The following MCTP2 variants were observed in gnomAD, a reference collection of about 807,000 sequenced individuals.
MCTP2 encodes the protein multiple C2 and transmembrane domain containing 2.
MCTP2 carries 132 observed loss-of-function variants against 111.6 expected under a neutral mutation model. The ratio of observed to expected loss-of-function variants is 1.18; its 90% confidence interval spans 1.03 to 1.37. The LOEUF (loss-of-function observed/expected upper bound fraction) is 1.37, where lower values mean the gene tolerates loss of function less well. Ranked by LOEUF, MCTP2 falls within the 40% of genes most tolerant of loss-of-function variation. The pLI, the probability that MCTP2 is intolerant of heterozygous loss-of-function variation, is 0.00. For synonymous variants in MCTP2, 395 were observed against 387.7 expected, an observed-to-expected ratio of 1.02 and a Z score of -0.22; for missense variants, 1,183 against 1,067.9, an observed-to-expected ratio of 1.11 and a Z score of -1.50.
chr15:94,291,822 C>G (rs2075045346), intron 1 of MCTP2, among the ~76,000 whole-genome samples: 1 of 145,826 alleles, frequency 6.9e-6, no homozygotes, highest in African/African-American at 2.5e-5. Flanking sequence ...GGCAAACTTT[C>G]TCTCTATGTT....
At chr15:94,448,696 C>A (rs2031817320) in intron 19 of MCTP2, among the ~76,000 whole-genome samples, 1 of 152,192 alleles carries the variant, frequency 6.6e-6, no homozygotes, top group Admixed American at 6.5e-5. Context: ...TGTATTGCAT[C>A]TAGATATTTC....
intron 20 of MCTP2, among the ~76,000 whole-genome samples, chr15:94,461,462 A>G (rs2085202789): frequency 6.6e-6 from 1 of 152,214 alleles, no homozygotes; most frequent in African/African-American, 2.4e-5. Context: ...TCCAGCTCAA[A>G]AAAGCAAACA....
chr15:94,404,675 G>T (rs142738837), intron 17 of MCTP2, among the ~76,000 whole-genome samples: 1 of 151,490 alleles, frequency 6.6e-6, no homozygotes, highest in East Asian at 1.9e-4. Context: ...CTTTGAAAAC[G>T]CCTTCATTTA....
intron 1 of MCTP2, among the ~76,000 whole-genome samples, chr15:94,256,190 C>T (rs1458821959): frequency 6.6e-6 from 1 of 152,108 alleles, no homozygotes; most frequent in Admixed American, 6.5e-5. Context: ...AACTTTGTTT[C>T]ATGTGCAAAA....
chr15:94,438,024 A>G (rs948142143), intron 17 of MCTP2, among the ~76,000 whole-genome samples: 1 of 152,122 alleles, frequency 6.6e-6, no homozygotes, highest in Non-Finnish European at 1.5e-5. Context: ...AACACAAGGA[A>G]ATAGCTGTAT....
At chr15:94,478,317 GA>G (rs2074530779) in intron 22 of MCTP2, among the ~76,000 whole-genome samples, 1 of 152,204 alleles carries the variant, frequency 6.6e-6, no homozygotes, top group Non-Finnish European at 1.5e-5. Context: ...TGCAGCAAAA[GA>G]ACATTCCAGG....
At chr15:94,437,453 A>T (rs2083541489) in intron 17 of MCTP2, among the ~76,000 whole-genome samples, 1 of 151,850 alleles carries the variant, frequency 6.6e-6, no homozygotes, top group African/African-American at 2.4e-5. Flanking sequence ...CAAGTTACTT[A>T]AAAAAAATGA....
At chr15:94,318,585 G>A (rs58603322) in intron 4 of MCTP2, among the ~76,000 whole-genome samples, 1 of 152,128 alleles carries the variant, frequency 6.6e-6, no homozygotes, top group Non-Finnish European at 1.5e-5. Context: ...TAGTTTTTAA[G>A]TTTAGGGATA....
chr15:94,469,261 G>A (rs1431499596), intron 20 of MCTP2, among the ~76,000 whole-genome samples: 2 of 152,128 alleles, frequency 1.3e-5, no homozygotes, highest in African/African-American at 2.4e-5. Context: ...AATACTCTCG[G>A]CACCTCAGTA....
intron 12 of MCTP2, among the ~76,000 whole-genome samples, chr15:94,379,296 CAGAG>C (rs992766871): frequency 1.1e-4 from 17 of 151,812 alleles, no homozygotes; most frequent in Non-Finnish European, 8.8e-5. Flanking sequence ...GTGGGGTAAA[CAGAG>C]AGAAAATATA....
rs58424468 is a variant in MCTP2 at position 94,266,080 on chromosome 15, GCA to G, written c.-65-32107_-65-32106del. Among the ~76,000 whole-genome samples, 223 of 151,644 alleles carry G rather than the reference GCA, an allele frequency of 1.5e-3. 1 individual carries two copies. Among genetic ancestry groups the G allele is most frequent in the Middle Eastern group, 6.8e-3 (2 of 294 alleles). ...CACATACACGTGCATGCGTGTGCGC[GCA>G]CACACACACACACGTGCTCTACAGT... On this transcript the variant is annotated intron_variant, in intron 1 of 22. Transcript: ENST00000357742.
chr15:94,356,083 T>G (rs1403762887), intron 8 of MCTP2, 54 bp from the exon 9 acceptor site: 1 of 1,403,440 alleles, frequency 7.1e-7, no homozygotes, highest in Non-Finnish European at 9.3e-7. Flanking sequence ...ATCATCAAAG[T>G]CACTCTCAGG....
intron 17 of MCTP2, among the ~76,000 whole-genome samples, chr15:94,423,699 T>C (rs1596660755): frequency 6.6e-6 from 1 of 152,188 alleles, no homozygotes; most frequent in Admixed American, 6.5e-5. Flanking sequence ...GAGTTCATAT[T>C]GGCGGCTGCC....
intron 1 of MCTP2, among the ~76,000 whole-genome samples, chr15:94,263,370 G>C (rs895746307): frequency 2.0e-5 from 3 of 152,280 alleles, no homozygotes; most frequent in Admixed American, 6.5e-5. Context: ...TACAAAGTTA[G>C]CTTCCTTTCA....
intron 14 of MCTP2, among the ~76,000 whole-genome samples, chr15:94,390,084 A>ACGTG (rs1567602658): frequency 3.1e-4 from 6 of 19,336 alleles, no homozygotes; most frequent in Non-Finnish European, 4.0e-4. Flanking sequence ...ATATATATAT[A>ACGTG]TATATGTATA....
rs368511761 is a variant in MCTP2, at chr15:94,384,093, C to G, written c.1654C>G (p.Leu552Val). The G allele has an allele frequency of 8.7e-6, 14 of 1,613,734 alleles. No homozygotes were observed. The highest frequency in any genetic ancestry group is 1.0e-5 in the Non-Finnish European group (12 of 1,179,864). Residue 552 changes from leucine (L) to valine (V), a missense_variant, in exon 13 of 23, where the codon CTC (leucine) becomes GTC (valine). Leu to Val is a conservative substitution (Grantham distance 32). Coordinates refer to ENST00000357742, the MANE Select transcript of MCTP2 (RefSeq NM_001385001.1). ...RLQTHTVYKN[L>V]NPEWNKVFTF... Reference sequence around the variant, plus strand: ...TCAGACGCATACCGTCTACAAAAACCTCAACCCTGAATGGAACAAAGTTTT... The same window carrying G: ...TCAGACGCATACCGTCTACAAAAACGTCAACCCTGAATGGAACAAAGTTTT...
At position 94,339,279 on chromosome 15, in the gene MCTP2, T is replaced by C; in HGVS notation, c.638-11T>C. 6.4e-7 allele frequency: 1 copy of C among 1,574,734 alleles called. No homozygotes were observed. The highest frequency in any genetic ancestry group is 1.2e-5 in the South Asian group (1 of 86,234). On this transcript the variant is annotated splice_polypyrimidine_tract_variant and intron_variant, in intron 4 of 22. Coordinates refer to ENST00000357742, the MANE Select transcript of MCTP2 (RefSeq NM_001385001.1). ...TTTAAAATTCTGTCTTGTTTTCTTT[T>C]CCTTTTAAAGGCACAAGTGATCCTT...
At chr15:94,414,124 C>T (rs1165835898) in intron 17 of MCTP2, among the ~76,000 whole-genome samples, 1 of 152,158 alleles carries the variant, frequency 6.6e-6, no homozygotes, top group African/African-American at 2.4e-5. Flanking sequence ...TGTTGAGTGT[C>T]ATCAACAGAT....
Position 94,478,993 on chromosome 15 carries a change from A to AGCAGCC in MCTP2, c.2597_2602dup (p.Ser867_His868insArgSer). The AGCAGCC allele has an allele frequency of 6.2e-7, 1 of 1,614,078 alleles. No homozygotes were observed. The highest frequency in any genetic ancestry group is 2.2e-5 in the East Asian group (1 of 44,870). ...GCAGTATGCAGAATTGAAACTCTGC[A>AGCAGCC]GCAGCCACAGCCCCCTGCGGAAGAA... On this transcript the variant is annotated inframe_insertion, in exon 23 of 23. Transcript: ENST00000357742.
Sources: gnomAD v4.1 joint callset for allele counts (sites outside exome capture counted in the v4.1 genomes callset) on GRCh38, gnomAD v4.1.1 for gene constraint, MANE v1.5 for transcripts, NCBI Gene and HGNC (gene_info 2026-07-23, HGNC 2026-07-21) for gene names.